The following MEF2A variants were observed in gnomAD, a reference collection of about 807,000 sequenced individuals.
MEF2A encodes the protein myocyte-specific enhancer factor 2A.
A neutral mutation model predicts 55.8 loss-of-function variants in MEF2A; 28 were observed. That is an observed-to-expected ratio of 0.50 (90% CI 0.37 to 0.69). The LOEUF is 0.69. Among genes scored for constraint, MEF2A ranks in the 30% least tolerant of loss-of-function variants. The pLI, the probability that MEF2A is intolerant of heterozygous loss-of-function variation, is 0.00. For missense variants in MEF2A, 528 were observed against 626.2 expected (o/e 0.84, Z 1.67); for synonymous variants, 239 against 227.1 (o/e 1.05, Z -0.47).
At chr15:99,588,838 G>GT (rs1282681735) in intron 1 of MEF2A, among the ~76,000 whole-genome samples, 4 of 151,870 alleles carry the variant, frequency 2.6e-5, no homozygotes, top group Non-Finnish European at 4.4e-5. Context: ...AATCACATGG[G>GT]TTTTTTTGGC....
intron 8 of MEF2A, among the ~76,000 whole-genome samples, chr15:99,696,551 A>G (rs2056507974): frequency 6.6e-6 from 1 of 152,122 alleles, no homozygotes. Flanking sequence ...ATATAGCCAA[A>G]TGAAAATGGA....
intron 8 of MEF2A, among the ~76,000 whole-genome samples, chr15:99,702,399 ATG>A (rs1179516223): frequency 1.3e-5 from 2 of 151,126 alleles, no homozygotes; most frequent in Admixed American, 1.3e-4. Flanking sequence ...TATTTTCTAA[ATG>A]TTATGGAGAA....
intron 7 of MEF2A, among the ~76,000 whole-genome samples, chr15:99,677,140 AAAT>A (rs2052277790): frequency 1.4e-5 from 2 of 141,516 alleles, no homozygotes; most frequent in Non-Finnish European, 1.6e-5. Flanking sequence ...ATAAATAAAT[AAAT>A]AAATAAAATA....
At chr15:99,573,008 G>T (rs1242446269) in intron 1 of MEF2A, among the ~76,000 whole-genome samples, 2 of 152,122 alleles carry the variant, frequency 1.3e-5, no homozygotes, top group Admixed American at 1.3e-4. Context: ...GTCCTAATCG[G>T]CCGGGCGCGG....
rs543545988 is a variant in MEF2A, at chr15:99,584,429, C to G, written c.-224-14001C>G. 4.5e-4 allele frequency among the ~76,000 whole-genome samples: 69 copies of G among 152,208 alleles called. No individual in the cohort carries two copies. In the South Asian group the frequency reaches 0.014, roughly 31 times the overall value. On this transcript the variant is annotated intron_variant, in intron 1 of 11. Transcript: ENST00000557942. ...TAATAGGTAAAAAGTTGAAATCACC[C>G]AAATGACCATCAGTTGATGAAAGAA...
At position 99,645,572 on chromosome 15, in the gene MEF2A, A is replaced by G. The variant is rs1258976565; in HGVS notation, c.66A>G (p.Thr22=). ...MDERNRQVTF[T]KRKFGLMKKA... ...TTTTTATTGTTTAGGTCACTTTTAC[A>G]AAGAGAAAGTTTGGATTAATGAAGA... The change falls in exon 4 of 12, where the codon ACA becomes ACG. Residue 22 remains threonine (T), a synonymous_variant. Coordinates refer to ENST00000557942, the MANE Select transcript of MEF2A (RefSeq NM_001319206.4). 1.2e-6 allele frequency: 2 copies of G among 1,612,318 alleles called. No homozygotes were observed. Among genetic ancestry groups the G allele is most frequent in the Middle Eastern group, 1.7e-4 (1 of 5,782 alleles).
chr15:99,661,533 C>T (rs986221123), intron 4 of MEF2A, among the ~76,000 whole-genome samples: 1 of 150,622 alleles, frequency 6.6e-6, no homozygotes, highest in South Asian at 2.1e-4. Context: ...ATTAAAAGAA[C>T]TACTATAAAA....
intron 1 of MEF2A, among the ~76,000 whole-genome samples, chr15:99,568,168 A>G (rs966819011): frequency 6.6e-6 from 1 of 152,190 alleles, no homozygotes; most frequent in Non-Finnish European, 1.5e-5. Flanking sequence ...TGCCTTCAAA[A>G]GTTTTTTAAA....
At chr15:99,697,964 A>G (rs1000541174) in intron 8 of MEF2A, among the ~76,000 whole-genome samples, 3 of 152,254 alleles carry the variant, frequency 2.0e-5, no homozygotes, top group African/African-American at 7.2e-5. Context: ...TAGTAAGGCA[A>G]TTCAACAGAG....
At chr15:99,629,064 G>A (rs1435994913) in intron 2 of MEF2A, among the ~76,000 whole-genome samples, 1 of 150,972 alleles carries the variant, frequency 6.6e-6, no homozygotes, top group East Asian at 1.9e-4. Flanking sequence ...TTATTATTTG[G>A]GAAAAGTCAG....
intron 1 of MEF2A, among the ~76,000 whole-genome samples, chr15:99,576,667 A>G (rs1320978079): frequency 6.6e-6 from 1 of 150,588 alleles, no homozygotes; most frequent in African/African-American, 2.4e-5. Flanking sequence ...TTGAGACGGA[A>G]TCTTACTCTG....
chr15:99,621,944 G>A (rs1041343291), intron 2 of MEF2A, among the ~76,000 whole-genome samples: 7 of 152,110 alleles, frequency 4.6e-5, no homozygotes, highest in African/African-American at 1.7e-4. Flanking sequence ...TGTTAATAAG[G>A]ACTCAGTTTA....
chr15:99,711,055 A>G (rs1011669432), intron 11 of MEF2A, among the ~76,000 whole-genome samples: 2 of 152,132 alleles, frequency 1.3e-5, no homozygotes, highest in East Asian at 1.9e-4. Flanking sequence ...AGGCACAGAT[A>G]CCACCCGCAT....
At chr15:99,618,245 A>G (rs1055945013) in intron 2 of MEF2A, among the ~76,000 whole-genome samples, 2 of 152,190 alleles carry the variant, frequency 1.3e-5, no homozygotes, top group Non-Finnish European at 2.9e-5. Flanking sequence ...CTTGTGTAGT[A>G]TTTTGGCTGG....
At chr15:99,671,063 T>G (rs1385004001) in intron 4 of MEF2A, among the ~76,000 whole-genome samples, 1 of 152,238 alleles carries the variant, frequency 6.6e-6, no homozygotes, top group African/African-American at 2.4e-5. Context: ...AGTGAGTCAT[T>G]TAGTATTTTG....
At chr15:99,638,669 C>T (rs1489720165) in intron 3 of MEF2A, among the ~76,000 whole-genome samples, 2 of 152,056 alleles carry the variant, frequency 1.3e-5, no homozygotes, top group Non-Finnish European at 2.9e-5. Flanking sequence ...AATGGCCCAT[C>T]TTGTCATCCA....
intron 3 of MEF2A, among the ~76,000 whole-genome samples, chr15:99,645,044 TAAAG>T (rs1287763431): frequency 2.0e-5 from 3 of 152,106 alleles, no homozygotes; most frequent in African/African-American, 4.8e-5. Context: ...AGGTTTCAGT[TAAAG>T]AAAGAAACAG....
At chr15:99,644,621 T>C (rs1166055108) in intron 3 of MEF2A, among the ~76,000 whole-genome samples, 2 of 152,248 alleles carry the variant, frequency 1.3e-5, no homozygotes. Context: ...GGAAAATTGC[T>C]GAACTTTATG....
intron 1 of MEF2A, among the ~76,000 whole-genome samples, chr15:99,567,182 A>C (rs1054667556): frequency 1.3e-5 from 2 of 152,260 alleles, no homozygotes; most frequent in African/African-American, 4.8e-5. Context: ...ACATAGTGTT[A>C]ACCTGCGTTT....
Sources: allele counts gnomAD v4.1 joint callset (sites outside exome capture counted in the v4.1 genomes callset), GRCh38; gene constraint gnomAD v4.1.1; transcripts MANE v1.5; gene names NCBI Gene and HGNC (gene_info 2026-07-23, HGNC 2026-07-21).